Variants in PEAK1 observed in about 807,000 individuals in gnomAD.
PEAK1 encodes inactive tyrosine-protein kinase PEAK1.
PEAK1 carries 54 observed loss-of-function variants against 124.7 expected under a neutral mutation model. That is an observed-to-expected ratio of 0.43 (90% CI 0.35 to 0.54). The LOEUF (loss-of-function observed/expected upper bound fraction) is 0.54. Among genes scored for constraint, PEAK1 ranks in the 20% least tolerant of loss-of-function variants. The pLI is 0.01. For synonymous variants in PEAK1, 719 were observed against 760.0 expected, an observed-to-expected ratio of 0.95 and a Z score of 0.89; for missense variants, 2,046 against 2,134.5, an observed-to-expected ratio of 0.96 and a Z score of 0.82.
At chr15:77,390,964 G>A (rs973878469) in intron 1 of PEAK1, among the ~76,000 whole-genome samples, 6 of 152,124 alleles carry the variant, frequency 3.9e-5, no homozygotes, top group African/African-American at 1.4e-4. Context: ...TTTTGCCTCT[G>A]CAGAATAAGT....
chr15:77,336,460 C>G, intron 2 of PEAK1: 1 of 985,378 alleles, frequency 1.0e-6, no homozygotes, highest in Non-Finnish European at 1.2e-6. Context: ...ATTATTCACA[C>G]ATAAATAATT....
intron 5 of PEAK1, 156 bp from the exon 6 acceptor site, chr15:77,252,682 G>T: frequency 2.7e-6 from 1 of 371,558 alleles, no homozygotes; most frequent in Non-Finnish European, 3.7e-6. Flanking sequence ...GTGGAGACAC[G>T]CATAGAACCT....
intron 6 of PEAK1, among the ~76,000 whole-genome samples, chr15:77,241,947 CT>C (rs2060377676): frequency 6.6e-6 from 1 of 151,950 alleles, no homozygotes; most frequent in Non-Finnish European, 1.5e-5. Context: ...CAAACTCCCG[CT>C]TTTTTTCACT....
At chr15:77,268,447 C>T (rs2061854963) in intron 5 of PEAK1, among the ~76,000 whole-genome samples, 1 of 150,826 alleles carries the variant, frequency 6.6e-6, no homozygotes, top group African/African-American at 2.4e-5. Context: ...GCATTTCAGT[C>T]TGGATGACAG....
chr15:77,355,770 T>C (rs958328779), intron 2 of PEAK1: 1 of 985,200 alleles, frequency 1.0e-6, no homozygotes, highest in African/African-American at 1.7e-5. Flanking sequence ...CTAAGAAGGC[T>C]GAGAAAAAGT....
intron 6 of PEAK1, among the ~76,000 whole-genome samples, chr15:77,219,689 G>A (rs2152876274): frequency 6.6e-6 from 1 of 152,048 alleles, no homozygotes; most frequent in Non-Finnish European, 1.5e-5. Context: ...TGTGAAGACT[G>A]GAAAAAGAAT....
intron 8 of PEAK1, among the ~76,000 whole-genome samples, chr15:77,150,686 C>T (rs778427676): frequency 1.4e-5 from 2 of 140,182 alleles, no homozygotes; most frequent in African/African-American, 2.7e-5. Flanking sequence ...CAACATTCCC[C>T]GGAGTGTGAT....
intron 2 of PEAK1, among the ~76,000 whole-genome samples, chr15:77,306,437 A>G (rs1035600854): frequency 1.3e-5 from 2 of 152,206 alleles, no homozygotes; most frequent in Admixed American, 1.3e-4. Context: ...TAAGGCAACT[A>G]GAAAAAGGCT....
chr15:77,255,959 C>T (rs575518892), intron 5 of PEAK1, among the ~76,000 whole-genome samples: 4 of 152,078 alleles, frequency 2.6e-5, no homozygotes, highest in African/African-American at 9.6e-5. Flanking sequence ...ACATTATAGA[C>T]ACAGGTAATG....
At chr15:77,211,848 CA>C (rs34360713) in intron 6 of PEAK1, among the ~76,000 whole-genome samples, 598 of 49,778 alleles carry the variant, frequency 0.012, 1 homozygote, top group East Asian at 0.023. Context: ...AACTCCATCT[CA>C]AAAAAAAAAA....
intron 6 of PEAK1, among the ~76,000 whole-genome samples, chr15:77,234,455 T>G (rs1399785439): frequency 6.6e-6 from 1 of 152,168 alleles, no homozygotes; most frequent in African/African-American, 2.4e-5. Flanking sequence ...GCAAATAATT[T>G]AATTTTTATA....
At chr15:77,285,567 A>T (rs2062881928) in intron 3 of PEAK1, among the ~76,000 whole-genome samples, 1 of 152,218 alleles carries the variant, frequency 6.6e-6, no homozygotes, top group Admixed American at 6.5e-5. Context: ...TCTGAATCCC[A>T]ACTTAACTCT....
chr15:77,343,244 T>G (rs1189907472), intron 2 of PEAK1, among the ~76,000 whole-genome samples: 1 of 152,212 alleles, frequency 6.6e-6, no homozygotes, highest in Non-Finnish European at 1.5e-5. Context: ...TGAGCATCTT[T>G]TCATGTGGTC....
intron 6 of PEAK1, among the ~76,000 whole-genome samples, chr15:77,226,073 ATATATATATATATATT>A (rs1174906432): frequency 1.5e-5 from 2 of 137,140 alleles, no homozygotes; most frequent in African/African-American, 5.5e-5. Flanking sequence ...ATATATATAT[ATATATATATATATATT>A]ACACACACAT....
intron 6 of PEAK1, among the ~76,000 whole-genome samples, chr15:77,194,185 T>A (rs569548654): frequency 2.8e-4 from 42 of 152,260 alleles, no homozygotes; most frequent in Admixed American, 1.7e-3. Context: ...ATCCAATCAA[T>A]TGTCAGGTTT....
intron 6 of PEAK1, among the ~76,000 whole-genome samples, chr15:77,192,831 T>C (rs1363482484): frequency 6.6e-6 from 1 of 151,550 alleles, no homozygotes; most frequent in African/African-American, 2.4e-5. Context: ...TCCTTACCTT[T>C]TTTTTTAAAT....
chr15:77,179,177 G>T lies in PEAK1; in HGVS notation c.2750C>A (p.Ala917Glu). Residue 917 changes from alanine to glutamate, a missense_variant, in exon 7 of 10, where the codon GCA becomes GAA. Transcript: ENST00000682557. ...CCAGCGCTTAGGTTTTGCATCAGCTGCCCGCCTGCTGCCTTCAGAGTGCAA... is the reference window on the plus strand; with the variant it reads ...CCAGCGCTTAGGTTTTGCATCAGCTTCCCGCCTGCTGCCTTCAGAGTGCAA... ...SVLHSEGSRRAADAKPKRWIS... is the reference protein window; with the variant it reads ...SVLHSEGSRREADAKPKRWIS... The T allele has an allele frequency of 6.2e-7, 1 of 1,614,160 alleles. No homozygotes were observed. Among genetic ancestry groups the T allele is most frequent in the Non-Finnish European group, 8.5e-7 (1 of 1,180,022 alleles).
At chr15:77,160,549 G>T (rs1348729777) in intron 7 of PEAK1, among the ~76,000 whole-genome samples, 1 of 151,996 alleles carries the variant, frequency 6.6e-6, no homozygotes, top group Non-Finnish European at 1.5e-5. Context: ...GGTGGTGCAC[G>T]CCTGTAGTTT....
intron 1 of PEAK1, among the ~76,000 whole-genome samples, chr15:77,381,808 T>A (rs2069504605): frequency 6.6e-6 from 1 of 151,830 alleles, no homozygotes; most frequent in Non-Finnish European, 1.5e-5. Context: ...CACCATAGTA[T>A]CCCCCAAAGC....
Sources: gnomAD v4.1 joint callset for allele counts (sites outside exome capture counted in the v4.1 genomes callset) on GRCh38, gnomAD v4.1.1 for gene constraint, MANE v1.5 for transcripts, NCBI Gene and HGNC (gene_info 2026-07-23, HGNC 2026-07-21) for gene names.